NTRK1: variants seen among roughly 807,000 people sequenced by gnomAD.
NTRK1 encodes neurotrophic receptor tyrosine kinase 1, also known as high affinity nerve growth factor receptor.
Under a neutral mutation model 86.8 loss-of-function variants are expected in NTRK1, and 62 were observed. That is an observed-to-expected ratio of 0.71 (90% CI 0.58 to 0.88). The LOEUF is 0.88. Ranked by LOEUF, NTRK1 falls within the 40% of genes least tolerant of loss-of-function variation. The pLI is 0.00. For missense variants in NTRK1, 967 were observed against 1,078.4 expected (o/e 0.90, Z 1.45); for synonymous variants, 469 against 456.6 (o/e 1.03, Z -0.35).
rs1347421266 is a variant in NTRK1, at chr1:156,873,902, A to T, written c.1120A>T (p.Ile374Phe). 6.4e-7 allele frequency: 1 copy of T among 1,572,870 alleles called. No homozygotes were observed. The highest frequency in any genetic ancestry group is 8.6e-7 in the Non-Finnish European group (1 of 1,158,258). ...CCCCTTCGGCCAGGCCTCCGCCTCC[A>T]TCATGGCTGCCTTCATGGACAACCC... is the stretch of plus-strand genomic sequence containing the variant. ...ANPFGQASAS[I>F]MAAFMDNPFE... The change falls in exon 8 of 17, where the codon ATC becomes TTC. Residue 374 changes from isoleucine (I) to phenylalanine (F), a missense_variant. By Grantham distance (21) the Ile-to-Phe change is conservative. Transcript: ENST00000524377.
intron 2 of NTRK1, chr1:156,851,827 T>C: frequency 6.3e-7 from 1 of 1,588,272 alleles, no homozygotes; most frequent in African/African-American, 1.3e-5. Flanking sequence ...CTTGGACCAG[T>C]TTGGGCCTCC....
intron 1 of NTRK1, among the ~76,000 whole-genome samples, chr1:156,832,864 C>T (rs536837517): frequency 5.6e-4 from 85 of 152,366 alleles, no homozygotes; most frequent in Non-Finnish European, 1.1e-3. Flanking sequence ...TGTTTGTCTA[C>T]ATGTCTTCTC....
intron 2 of NTRK1, chr1:156,851,842 G>T: frequency 6.3e-7 from 1 of 1,579,014 alleles, no homozygotes; most frequent in Non-Finnish European, 8.6e-7. Flanking sequence ...GCCTCCTCAG[G>T]CCTCCTCACT....
In NTRK1 at chr1:156,855,198, A is replaced by ATCTATCTATCTATCTG. The variant is rs1655367933; in HGVS notation, c.51-9143_51-9142insCTGTCTATCTATCTAT. On this transcript the variant is annotated intron_variant, in intron 2 of 16. Transcript: ENST00000392302. The stretch of plus-strand genomic sequence containing the variant: ...ATTTTATCTATCTATCTATCTATCT[A>ATCTATCTATCTATCTG]TCTATCTATCTATTTATTTATTTGA... Among the ~76,000 whole-genome samples the ATCTATCTATCTATCTG allele has an allele frequency of 5.5e-5, 8 of 146,080 alleles. No homozygotes were observed. The South Asian group carries it at 1.5e-3, about 27-fold the overall frequency.
At chr1:156,874,065 G>A (rs2102907108) in intron 8 of NTRK1, 106 bp downstream of exon 8, 1 of 1,237,308 alleles carries the variant, frequency 8.1e-7, no homozygotes, top group Non-Finnish European at 1.1e-6. Context: ...CCTGGTTCGG[G>A]ACAGAAAGGA....
chr1:156,846,299 C>T (rs1006827024), intron 2 of NTRK1, among the ~76,000 whole-genome samples: 1 of 151,996 alleles, frequency 6.6e-6, no homozygotes, highest in Non-Finnish European at 1.5e-5. Context: ...TGCCATAGGC[C>T]CTTCAGTTCC....
intron 1 of NTRK1, among the ~76,000 whole-genome samples, chr1:156,817,382 T>C (rs752134538): frequency 8.6e-5 from 13 of 151,932 alleles, no homozygotes; most frequent in Non-Finnish European, 1.8e-4. Flanking sequence ...CAGGAGTTCA[T>C]GATCAGCCCT....
intron 1 of NTRK1, among the ~76,000 whole-genome samples, chr1:156,823,506 A>G (rs1331882753): frequency 6.6e-6 from 1 of 152,168 alleles, no homozygotes; most frequent in Non-Finnish European, 1.5e-5. Context: ...GTGGGATACC[A>G]TGCTGAGAGA....
At chr1:156,850,032 A>G (rs1655146687) in intron 2 of NTRK1, among the ~76,000 whole-genome samples, 1 of 151,672 alleles carries the variant, frequency 6.6e-6, no homozygotes, top group South Asian at 2.1e-4. Context: ...TCTCTTGAGT[A>G]GCTGAGACTA....
chr1:156,870,302 C>T (rs1331169437), intron 6 of NTRK1, among the ~76,000 whole-genome samples: 1 of 152,188 alleles, frequency 6.6e-6, no homozygotes, highest in Non-Finnish European at 1.5e-5. Context: ...AATCCCAGCA[C>T]TTTGGGAGGC....
upstream of NTRK1, chr1:156,858,430 T>C: frequency 1.2e-6 from 1 of 826,134 alleles, no homozygotes; most frequent in Non-Finnish European, 2.1e-6. Flanking sequence ...AACCCCCATG[T>C]TCCAGTGCAG....
chr1:156,866,574 C>T (rs1655941004), intron 3 of NTRK1, among the ~76,000 whole-genome samples: 1 of 152,170 alleles, frequency 6.6e-6, no homozygotes, highest in African/African-American at 2.4e-5. Context: ...GGACCCCTTC[C>T]CCCAGCTGTG....
chr1:156,833,794 G>T (rs1654526830), intron 1 of NTRK1, among the ~76,000 whole-genome samples: 1 of 152,188 alleles, frequency 6.6e-6, no homozygotes, highest in African/African-American at 2.4e-5. Context: ...GTGCTGCAGG[G>T]AGACAGGGGA....
intron 12 of NTRK1, 134 bp from the exon 13 acceptor site, chr1:156,875,946 G>A (rs1458752967): frequency 7.2e-7 from 1 of 1,390,084 alleles, no homozygotes; most frequent in African/African-American, 1.4e-5. Flanking sequence ...AGGGGTGCAG[G>A]TTGAATTTTA....
chr1:156,820,874 C>T (rs1654168729), intron 1 of NTRK1, among the ~76,000 whole-genome samples: 1 of 152,104 alleles, frequency 6.6e-6, no homozygotes, highest in Non-Finnish European at 1.5e-5. Context: ...TTGCTTTGGG[C>T]AGTATGGTCA....
Position 156,861,101 on chromosome 1 carries a change from T to C in NTRK1, c.167T>C (p.Leu56Pro). Residue 56 changes from leucine (L) to proline (P), a missense_variant, in exon 1 of 17, where the codon CTG becomes CCG. Leu to Pro is a moderately conservative substitution (Grantham distance 98). Around this residue, in one of 2 missense-constraint regions of NTRK1, gnomAD observed 330 missense variants for 302.0 expected, o/e 1.09. Coordinates refer to ENST00000524377, the MANE Select transcript of NTRK1 (RefSeq NM_002529.4). ...CTGCGATGCACCCGGGATGGGGCCC[T>C]GGATAGCCTCCACCACCTGCCCGGC... is the stretch of plus-strand genomic sequence containing the variant. Reference protein sequence around the residue: ...SGLRCTRDGALDSLHHLPGAE... With the variant: ...SGLRCTRDGAPDSLHHLPGAE... 1.3e-6 allele frequency: 2 copies of C among 1,585,304 alleles called. No individual in the cohort carries two copies. Among genetic ancestry groups the C allele is most frequent in the African/African-American group, 1.3e-5 (1 of 74,706 alleles).
chr1:156,875,789 C>T, intron 12 of NTRK1, 123 bp downstream of exon 12: 1 of 1,394,322 alleles, frequency 7.2e-7, no homozygotes, highest in Non-Finnish European at 9.8e-7. Flanking sequence ...CTCCCCAGCC[C>T]TATTCCAGCC....
intron 1 of NTRK1, chr1:156,815,879 G>A (rs771167339): frequency 1.1e-5 from 17 of 1,613,822 alleles, no homozygotes; most frequent in Middle Eastern, 1.6e-4. Flanking sequence ...GCCCCAGCCC[G>A]TTGGCAGACC....
rs1653917928 is a variant in NTRK1 at position 156,816,236 on chromosome 1, G to A, written c.-64+398G>A. On this transcript the variant is annotated intron_variant, in intron 1 of 16. Coordinates refer to the NTRK1 transcript ENST00000392302. ...GGAAAAACGCAGAAGGGCAGCAGGG[G>A]AGTTTCTCAGGCATGAGGTTAAGTA... is the stretch of plus-strand genomic sequence containing the variant. The A allele has an allele frequency of 2.9e-6, 4 of 1,376,284 alleles. No homozygotes were observed. In the Admixed American group the frequency reaches 8.5e-5, roughly 29 times the overall value. 85.3% of individuals were successfully genotyped at this position (1,376,284 alleles called of 1,614,324 possible). A position where few individuals can be genotyped will look rare whatever the true frequency, so the allele number is the denominator to read the frequency against.
Sources: gnomAD v4.1 joint callset for allele counts (sites outside exome capture counted in the v4.1 genomes callset) on GRCh38, gnomAD v4.1.1 for gene constraint, gnomAD v4.1.1 regional missense constraint, MANE v1.5 for transcripts, NCBI Gene and HGNC (gene_info 2026-07-23, HGNC 2026-07-21) for gene names.